PRR16: variants seen among roughly 807,000 people sequenced by gnomAD.
The protein encoded by PRR16 is proline rich 16.
In PRR16, 6 loss-of-function variants were observed where a neutral mutation model predicts 18.2. That is an observed-to-expected ratio of 0.33 (90% CI 0.18 to 0.65). The LOEUF (loss-of-function observed/expected upper bound fraction) is 0.65, where lower values mean the gene tolerates loss of function less well. Ranked by LOEUF, PRR16 falls within the 30% of genes least tolerant of loss-of-function variation. The pLI is 0.74. For synonymous variants in PRR16, 151 were observed against 147.8 expected, an observed-to-expected ratio of 1.02 and a Z score of -0.16; for missense variants, 412 against 376.6, an observed-to-expected ratio of 1.09 and a Z score of -0.78.
intron 1 of PRR16, among the ~76,000 whole-genome samples, chr5:120,505,051 C>T (rs908637418): frequency 6.6e-6 from 1 of 152,092 alleles, no homozygotes; most frequent in Admixed American, 6.6e-5. Flanking sequence ...GGGAATCATG[C>T]TATATTTCAA....
the PRR16 span, chr5:120,790,376 A>G: frequency 6.6e-6 from 1 of 152,202 alleles, no homozygotes; most frequent in African/African-American, 2.4e-5. Context: ...TAAATTATAA[A>G]CTGATTTATC....
chr5:120,756,114 G>A, the PRR16 span, among the ~76,000 whole-genome samples: 1 of 152,186 alleles, frequency 6.6e-6, no homozygotes, highest in African/African-American at 2.4e-5. Context: ...GGTTGCCTGA[G>A]GGAACCAATC....
At chr5:120,712,587 T>G in the PRR16 span, among the ~76,000 whole-genome samples, 1 of 152,008 alleles carries the variant, frequency 6.6e-6, no homozygotes. Flanking sequence ...TGTTTAATAT[T>G]CAAAATATAT....
chr5:120,541,089 G>A (rs1751898965), intron 1 of PRR16, among the ~76,000 whole-genome samples: 1 of 152,078 alleles, frequency 6.6e-6, no homozygotes, highest in Non-Finnish European at 1.5e-5. Context: ...GCAGGACAGA[G>A]GTAATACAGA....
chr5:120,676,593 GAA>G (rs1756808850), intron 1 of PRR16, among the ~76,000 whole-genome samples: 1 of 151,742 alleles, frequency 6.6e-6, no homozygotes, highest in African/African-American at 2.4e-5. Flanking sequence ...AAGGAAAAAA[GAA>G]AGAGTTAAAT....
At chr5:120,570,412 C>T (rs571244051) in intron 1 of PRR16, among the ~76,000 whole-genome samples, 13 of 152,242 alleles carry the variant, frequency 8.5e-5, no homozygotes, top group Admixed American at 4.6e-4. Flanking sequence ...GCCAAATGCC[C>T]TGCACAGGTT....
At position 120,481,316 on chromosome 5, in the gene PRR16, A is replaced by T; in HGVS notation, c.159+16671A>T. On this transcript the variant is annotated intron_variant, in intron 1 of 1. Transcript: ENST00000407149. Reference sequence around the variant, plus strand: ...TGGGTAAGTTTTGTATTTTTAGCAGAGACGGGGTTTCACTGTGTTGCCCAG... The same window carrying T: ...TGGGTAAGTTTTGTATTTTTAGCAGTGACGGGGTTTCACTGTGTTGCCCAG... 6.9e-6 allele frequency: 3 copies of T among 435,766 alleles called. 1 individual carries two copies. The highest frequency in any genetic ancestry group is 4.9e-5 in the South Asian group (3 of 61,622). 27.0% of individuals were successfully genotyped at this position (435,766 alleles called of 1,614,324 possible). A position where few individuals can be genotyped will look rare whatever the true frequency, so the allele number is the denominator to read the frequency against.
At chr5:120,514,631 G>C (rs1043099487) in intron 1 of PRR16, among the ~76,000 whole-genome samples, 1 of 152,194 alleles carries the variant, frequency 6.6e-6, no homozygotes, top group Non-Finnish European at 1.5e-5. Flanking sequence ...TCATAAGACA[G>C]ACACAATTTC....
chr5:120,733,392 C>T, the PRR16 span, among the ~76,000 whole-genome samples: 287 of 152,164 alleles, frequency 1.9e-3, no homozygotes, highest in African/African-American at 6.5e-3. Flanking sequence ...TCAAGAAATC[C>T]TCCCACTTTA....
intron 1 of PRR16, among the ~76,000 whole-genome samples, chr5:120,607,484 A>G (rs1754191611): frequency 6.6e-6 from 1 of 152,188 alleles, no homozygotes; most frequent in Admixed American, 6.5e-5. Flanking sequence ...AGAATTACAG[A>G]GATTCATGGG....
the PRR16 span, among the ~76,000 whole-genome samples, chr5:120,754,181 A>C: frequency 8.6e-6 from 1 of 116,208 alleles, no homozygotes; most frequent in South Asian, 2.3e-4. Flanking sequence ...AAATATAAAT[A>C]TATAATATAT....
chr5:120,713,681 G>C, the PRR16 span, among the ~76,000 whole-genome samples: 1 of 151,826 alleles, frequency 6.6e-6, no homozygotes, highest in African/African-American at 2.4e-5. Flanking sequence ...CTAGAACCAG[G>C]GCCTTTCGCT....
At chr5:120,555,278 C>A (rs758671023) in intron 1 of PRR16, among the ~76,000 whole-genome samples, 10 of 151,824 alleles carry the variant, frequency 6.6e-5, no homozygotes, top group Non-Finnish European at 1.5e-4. Context: ...TGAAAAGAAT[C>A]GAGCACTGTT....
the PRR16 span, among the ~76,000 whole-genome samples, chr5:120,717,281 A>G: frequency 0.091 from 13,913 of 152,234 alleles, 1,985 homozygotes; most frequent in African/African-American, 0.3. Flanking sequence ...AACTAGTGGC[A>G]GATTCTTGTA....
intron 1 of PRR16, among the ~76,000 whole-genome samples, chr5:120,537,060 G>A (rs1271800244): frequency 6.6e-6 from 1 of 152,142 alleles, no homozygotes; most frequent in Non-Finnish European, 1.5e-5. Context: ...GGCGAGAGGA[G>A]GGAGAGAAAC....
chr5:120,596,954 G>A (rs74535625), intron 1 of PRR16, among the ~76,000 whole-genome samples: 2,648 of 151,560 alleles, frequency 0.017, 78 homozygotes, highest in African/African-American at 0.06. Context: ...AATATGAAGG[G>A]CATTACATCC....
the PRR16 span, among the ~76,000 whole-genome samples, chr5:120,792,444 T>G: frequency 6.6e-6 from 1 of 152,226 alleles, no homozygotes; most frequent in Non-Finnish European, 1.5e-5. Context: ...ATCTTCAACT[T>G]TTAAACCTGC....
At chr5:120,613,943 C>A (rs1250899348) in intron 1 of PRR16, among the ~76,000 whole-genome samples, 1 of 152,166 alleles carries the variant, frequency 6.6e-6, no homozygotes, top group Non-Finnish European at 1.5e-5. Context: ...GTTATTAATT[C>A]TCTGAAGGAA....
intron 1 of PRR16, among the ~76,000 whole-genome samples, chr5:120,482,304 C>T (rs1749645766): frequency 6.6e-6 from 1 of 152,064 alleles, no homozygotes; most frequent in Non-Finnish European, 1.5e-5. Context: ...CATTAGTCCC[C>T]AGTGTTTATC....
Sources: gnomAD v4.1 joint callset for allele counts (sites outside exome capture counted in the v4.1 genomes callset) on GRCh38, gnomAD v4.1.1 for gene constraint, MANE v1.5 for transcripts, NCBI Gene and HGNC (gene_info 2026-07-23, HGNC 2026-07-21) for gene names.